The following GNAQ variants were observed in gnomAD, a reference collection of about 807,000 sequenced individuals.
GNAQ encodes G protein subunit alpha q.
Under a neutral mutation model 43.9 loss-of-function variants are expected in GNAQ, and 8 were observed. The observed-to-expected ratio is 0.18, with a 90% CI of 0.11 to 0.33. The LOEUF is 0.33. Among genes scored for constraint, GNAQ ranks in the 10% least tolerant of loss-of-function variants. GNAQ has a pLI of 1.00. For synonymous variants in GNAQ, 155 were observed against 170.7 expected (o/e 0.91, Z 0.71); for missense variants, 158 against 450.8 (o/e 0.35, Z 5.88).
chr9:77,779,680 CAAAAAAAAAAAA>C lies in GNAQ; in HGVS notation c.735+14771_735+14782del, dbSNP rs58014303. The stretch of plus-strand genomic sequence containing the variant: ...TAGCCAGGTTAACTAAAAAACAAAA[CAAAAAAAAAAAA>C]AAAAAAAAAGAGAAGGCACAAATTA... On this transcript the variant is annotated intron_variant, in intron 5 of 6. Transcript: ENST00000286548. 3.1e-5 allele frequency among the ~76,000 whole-genome samples: 3 copies of C among 95,942 alleles called. No homozygotes were observed. The South Asian group carries it at 1.1e-3, about 34-fold the overall frequency. The allele number at this position is 95,942 out of a possible 152,430, so 62.9% of individuals were successfully genotyped here.
intron 2 of GNAQ, among the ~76,000 whole-genome samples, chr9:77,917,142 T>A (rs1473581979): frequency 6.6e-6 from 1 of 152,038 alleles, no homozygotes; most frequent in East Asian, 1.9e-4. Flanking sequence ...AAATATGAAA[T>A]AACTAGTAAC....
At chr9:77,937,007 G>C (rs577045364) in intron 1 of GNAQ, among the ~76,000 whole-genome samples, 1 of 152,168 alleles carries the variant, frequency 6.6e-6, no homozygotes, top group Non-Finnish European at 1.5e-5. Flanking sequence ...TATTACTGCT[G>C]AGGCAATTAA....
intron 5 of GNAQ, among the ~76,000 whole-genome samples, chr9:77,764,106 C>T (rs1414344870): frequency 6.6e-6 from 1 of 152,106 alleles, no homozygotes; most frequent in East Asian, 1.9e-4. Context: ...ATTTTATGAT[C>T]AAAAACCAAA....
intron 2 of GNAQ, among the ~76,000 whole-genome samples, chr9:77,839,743 T>A (rs1174891324): frequency 6.6e-6 from 1 of 152,222 alleles, no homozygotes; most frequent in Non-Finnish European, 1.5e-5. Context: ...GAGGAAACAC[T>A]GTTATTAAAT....
intron 2 of GNAQ, among the ~76,000 whole-genome samples, chr9:77,918,725 C>T (rs1414080018): frequency 6.6e-6 from 1 of 152,074 alleles, no homozygotes; most frequent in Non-Finnish European, 1.5e-5. Flanking sequence ...CCCAATGTGC[C>T]CCTCCCTCAG....
chr9:77,989,161 C>T (rs761104011), intron 1 of GNAQ, among the ~76,000 whole-genome samples: 40 of 152,224 alleles, frequency 2.6e-4, no homozygotes, highest in African/African-American at 9.6e-4. Context: ...ATCTTGAAAA[C>T]CAAATGTTTT....
intron 2 of GNAQ, among the ~76,000 whole-genome samples, chr9:77,920,438 C>A (rs572078586): frequency 9.9e-5 from 15 of 152,142 alleles, no homozygotes; most frequent in African/African-American, 3.1e-4. Flanking sequence ...GTAAGTCAGG[C>A]AGAATTCATC....
At chr9:77,916,238 G>T (rs893513134) in intron 2 of GNAQ, among the ~76,000 whole-genome samples, 4 of 152,148 alleles carry the variant, frequency 2.6e-5, no homozygotes, top group African/African-American at 9.7e-5. Flanking sequence ...AGAGAACCTT[G>T]ACTGATAGAG....
At chr9:77,739,510 A>C (rs180862570) in intron 5 of GNAQ, among the ~76,000 whole-genome samples, 246 of 152,354 alleles carry the variant, frequency 1.6e-3, no homozygotes, top group African/African-American at 5.7e-3. Context: ...GAAGTTATTA[A>C]GAGAATGTTT....
At chr9:77,760,965 G>A (rs1240690488) in intron 5 of GNAQ, among the ~76,000 whole-genome samples, 612 of 131,326 alleles carry the variant, frequency 4.7e-3, no homozygotes, top group Middle Eastern at 0.018. Context: ...GAGACCCTCC[G>A]CCTGGCAACC....
At chr9:77,977,174 C>T (rs577424264) in intron 1 of GNAQ, among the ~76,000 whole-genome samples, 3 of 152,056 alleles carry the variant, frequency 2.0e-5, no homozygotes, top group Admixed American at 6.5e-5. Flanking sequence ...TTTATAAAGC[C>T]TCCTAAGGCA....
At chr9:77,927,227 T>C (rs1408673196) in intron 1 of GNAQ, among the ~76,000 whole-genome samples, 2 of 152,218 alleles carry the variant, frequency 1.3e-5, no homozygotes, top group Non-Finnish European at 2.9e-5. Flanking sequence ...AATGATTATT[T>C]TGCCTATTTG....
At chr9:77,875,860 T>C (rs1828116502) in intron 2 of GNAQ, among the ~76,000 whole-genome samples, 1 of 151,938 alleles carries the variant, frequency 6.6e-6, no homozygotes, top group African/African-American at 2.4e-5. Flanking sequence ...TATTTTTCAG[T>C]GGGAAAGTAG....
intron 5 of GNAQ, among the ~76,000 whole-genome samples, chr9:77,760,398 G>T (rs1466773121): frequency 6.6e-6 from 1 of 152,234 alleles, no homozygotes; most frequent in East Asian, 1.9e-4. Context: ...TGGTGGAGAC[G>T]GGGTTTCGCT....
At chr9:77,859,185 A>G (rs1587368800) in intron 2 of GNAQ, among the ~76,000 whole-genome samples, 1 of 152,198 alleles carries the variant, frequency 6.6e-6, no homozygotes, top group Non-Finnish European at 1.5e-5. Flanking sequence ...TTTGAATGCA[A>G]GAACTCTATT....
At chr9:77,761,187 C>G (rs1826007075) in intron 5 of GNAQ, among the ~76,000 whole-genome samples, 1 of 143,334 alleles carries the variant, frequency 7.0e-6, no homozygotes, top group Non-Finnish European at 1.5e-5. Context: ...TCCCGCCCGG[C>G]CAGTGAGGGG....
At chr9:77,884,984 A>T (rs1346778931) in intron 2 of GNAQ, among the ~76,000 whole-genome samples, 2 of 152,218 alleles carry the variant, frequency 1.3e-5, no homozygotes, top group South Asian at 2.1e-4. Context: ...GGAGAAAATA[A>T]TGGAACCCAC....
At chr9:77,908,511 A>G (rs1564148110) in intron 2 of GNAQ, among the ~76,000 whole-genome samples, 1 of 152,228 alleles carries the variant, frequency 6.6e-6, no homozygotes, top group Non-Finnish European at 1.5e-5. Flanking sequence ...GAAGAATTCA[A>G]CAACCATTTA....
chr9:77,942,251 CT>C (rs1829326532), intron 1 of GNAQ, among the ~76,000 whole-genome samples: 1 of 152,076 alleles, frequency 6.6e-6, no homozygotes, highest in African/African-American at 2.4e-5. Flanking sequence ...TGGGGCTGTA[CT>C]TGGAATTCCT....
Sources: allele counts gnomAD v4.1 joint callset (sites outside exome capture counted in the v4.1 genomes callset), GRCh38; gene constraint gnomAD v4.1.1; transcripts MANE v1.5; gene names NCBI Gene and HGNC (gene_info 2026-07-23, HGNC 2026-07-21).